The following MED13L variants were observed in gnomAD, a reference collection of about 807,000 sequenced individuals.
MED13L encodes mediator complex subunit 13L.
A neutral mutation model predicts 220.9 loss-of-function variants in MED13L; 7 were observed. The observed-to-expected ratio is 0.03, with a 90% CI of 0.02 to 0.06. The LOEUF (loss-of-function observed/expected upper bound fraction) is 0.06, where lower values mean the gene tolerates loss of function less well. Ranked by LOEUF, MED13L falls within the 10% of genes least tolerant of loss-of-function variation. The pLI is 1.00. For synonymous variants in MED13L, 1,011 were observed against 1,015.2 expected, an observed-to-expected ratio of 1.00 and a Z score of 0.08; for missense variants, 1,965 against 2,760.5, an observed-to-expected ratio of 0.71 and a Z score of 6.46.
chr12:116,202,511 A>C (rs1309661506), intron 2 of MED13L, among the ~76,000 whole-genome samples: 1 of 152,222 alleles, frequency 6.6e-6, no homozygotes, highest in Admixed American at 6.5e-5. Context: ...ATAGCTATCC[A>C]GACAACAGTT....
At chr12:116,194,717 A>G (rs1881508230) in intron 2 of MED13L, among the ~76,000 whole-genome samples, 1 of 152,244 alleles carries the variant, frequency 6.6e-6, no homozygotes, top group Non-Finnish European at 1.5e-5. Flanking sequence ...TTAAAAATAA[A>G]ATATGACTGA....
At chr12:116,274,570 CAT>C (rs1266494249) in intron 1 of MED13L, among the ~76,000 whole-genome samples, 2 of 151,034 alleles carry the variant, frequency 1.3e-5, no homozygotes, top group Non-Finnish European at 3.0e-5. Flanking sequence ...CTTTGGGCAA[CAT>C]ATTTTTAATA....
At chr12:116,232,208 A>C (rs1477258073) in intron 2 of MED13L, 1 of 825,352 alleles carries the variant, frequency 1.2e-6, no homozygotes, top group Admixed American at 6.2e-5. Context: ...AACAAAGGGT[A>C]ATAACTGCCA....
At chr12:116,096,365 A>AAAAAAAAAAAAAAAAAAAAAAAAAAAAC (rs1294867252) in intron 4 of MED13L, among the ~76,000 whole-genome samples, 1 of 145,170 alleles carries the variant, frequency 6.9e-6, no homozygotes, top group Non-Finnish European at 1.5e-5. Context: ...AAAAAAAAAA[A>AAAAAAAAAAAAAAAAAAAAAAAAAAAAC]AAAAAAAAAA....
At chr12:116,127,046 G>T (rs1166595814) in intron 2 of MED13L, among the ~76,000 whole-genome samples, 1 of 152,104 alleles carries the variant, frequency 6.6e-6, no homozygotes, top group African/African-American at 2.4e-5. Flanking sequence ...TTGAAACATA[G>T]GCTATCAATA....
chr12:116,228,480 A>G (rs1026300396), intron 2 of MED13L, among the ~76,000 whole-genome samples: 1 of 152,096 alleles, frequency 6.6e-6, no homozygotes, highest in African/African-American at 2.4e-5. Flanking sequence ...AACCATGCCC[A>G]ACTACTGCTT....
chr12:116,037,838 C>T (rs1325222367), intron 4 of MED13L, among the ~76,000 whole-genome samples: 1 of 151,988 alleles, frequency 6.6e-6, no homozygotes, highest in African/African-American at 2.4e-5. Context: ...TTCAAAGAGT[C>T]GAAGAGGCTG....
Position 115,963,454 on chromosome 12 carries a change from C to T in MED13L, c.6453G>A (p.Gln2151=). The T allele has an allele frequency of 6.2e-7, 1 of 1,614,206 alleles. No homozygotes were observed. Among genetic ancestry groups the T allele is most frequent in the Non-Finnish European group, 8.5e-7 (1 of 1,180,032 alleles). Residue 2151 remains glutamine (Q), a synonymous_variant, in exon 30 of 31, where the codon CAG becomes CAA. Coordinates refer to ENST00000281928, the MANE Select transcript of MED13L (RefSeq NM_015335.5). ...TGGAGTCAAGAGGGTGTGGAACCCG[C>T]TGAGAATTCCTGGCAGGCAGAAGTT... is the stretch of plus-strand genomic sequence containing the variant. ...TDELLPARNS[Q]RVPHPLDSKT...
At chr12:116,275,829 TTATATTC>T (rs780037857) in intron 1 of MED13L, among the ~76,000 whole-genome samples, 1 of 152,244 alleles carries the variant, frequency 6.6e-6, no homozygotes, top group Admixed American at 6.5e-5. Context: ...AATTTTCCAA[TTATATTC>T]TACGCTTGAA....
At chr12:116,015,317 G>C in intron 7 of MED13L, 43 bp from the exon 8 acceptor site, 1 of 1,599,368 alleles carries the variant, frequency 6.3e-7, no homozygotes, top group South Asian at 1.1e-5. Flanking sequence ...TTTCTGAAAA[G>C]GTTTCCTACT....
intron 1 of MED13L, among the ~76,000 whole-genome samples, chr12:116,240,312 G>C (rs552935023): frequency 1.3e-5 from 2 of 152,034 alleles, no homozygotes; most frequent in Admixed American, 1.3e-4. Flanking sequence ...GGCCAGGCTG[G>C]TCTCAAACTC....
intron 2 of MED13L, among the ~76,000 whole-genome samples, chr12:116,215,560 T>C (rs773596128): frequency 1.3e-5 from 2 of 152,222 alleles, no homozygotes; most frequent in African/African-American, 2.4e-5. Flanking sequence ...TGGGATCGTA[T>C]CTTCCTTACT....
chr12:116,082,571 T>G (rs1374790631), intron 4 of MED13L: 1 of 152,188 alleles, frequency 6.6e-6, no homozygotes, highest in Non-Finnish European at 1.5e-5. Context: ...AACTTCCTCT[T>G]GTTCGCTTCA....
At chr12:116,268,006 A>G (rs773430079) in intron 1 of MED13L, among the ~76,000 whole-genome samples, 36 of 152,230 alleles carry the variant, frequency 2.4e-4, no homozygotes, top group South Asian at 4.1e-4. Context: ...GCTGAAATAA[A>G]AACAGCATAC....
At chr12:116,163,507 G>A (rs1435530798) in intron 2 of MED13L, among the ~76,000 whole-genome samples, 4 of 151,904 alleles carry the variant, frequency 2.6e-5, no homozygotes, top group Non-Finnish European at 4.4e-5. Flanking sequence ...TGGGATTACA[G>A]GTGTGCACCA....
At chr12:116,199,348 CAA>C (rs1488881116) in intron 2 of MED13L, among the ~76,000 whole-genome samples, 2 of 152,204 alleles carry the variant, frequency 1.3e-5, no homozygotes, top group South Asian at 2.1e-4. Flanking sequence ...TTAAGAAAAT[CAA>C]AAAGAGAGTT....
intron 4 of MED13L, among the ~76,000 whole-genome samples, chr12:116,057,362 C>A (rs1424546650): frequency 6.6e-6 from 1 of 152,004 alleles, no homozygotes; most frequent in Non-Finnish European, 1.5e-5. Context: ...AAATTTCCAG[C>A]AACCAAACTG....
At chr12:116,267,342 T>G (rs1315568001) in intron 1 of MED13L, among the ~76,000 whole-genome samples, 1 of 152,178 alleles carries the variant, frequency 6.6e-6, no homozygotes, top group Non-Finnish European at 1.5e-5. Context: ...CAAGAACAAT[T>G]TAATCCTCTG....
At chr12:116,057,069 T>C (rs987186267) in intron 4 of MED13L, among the ~76,000 whole-genome samples, 1 of 152,232 alleles carries the variant, frequency 6.6e-6, no homozygotes, top group African/African-American at 2.4e-5. Flanking sequence ...GATTTAAATG[T>C]ATCACTGCGT....
Sources: gnomAD v4.1 joint callset for allele counts (sites outside exome capture counted in the v4.1 genomes callset) on GRCh38, gnomAD v4.1.1 for gene constraint, MANE v1.5 for transcripts, NCBI Gene and HGNC (gene_info 2026-07-23, HGNC 2026-07-21) for gene names.